Variants in CATSPERE observed in about 807,000 individuals in gnomAD.
CATSPERE encodes catsper channel auxiliary subunit epsilon.
Under a neutral mutation model 114.1 loss-of-function variants are expected in CATSPERE, and 93 were observed. The observed-to-expected ratio is 0.81, with a 90% CI of 0.69 to 0.97. CATSPERE has a LOEUF of 0.97. Among genes scored for constraint, CATSPERE ranks in the 50% least tolerant of loss-of-function variants. The pLI, the probability that CATSPERE is intolerant of heterozygous loss-of-function variation, is 0.00. For missense variants in CATSPERE, 1,058 were observed against 1,131.6 expected (o/e 0.93, Z 0.93); for synonymous variants, 341 against 384.1 (o/e 0.89, Z 1.31).
chr1:244,540,731 C>G (rs1658531278), intron 8 of CATSPERE, among the ~76,000 whole-genome samples: 1 of 132,078 alleles, frequency 7.6e-6, no homozygotes, highest in Admixed American at 8.0e-5. Flanking sequence ...AAGCTGGAGG[C>G]ATCACACTAC....
chr1:244,518,535 A>C (rs992627415), intron 7 of CATSPERE, 57 bp from the exon 8 acceptor site: 2 of 1,082,326 alleles, frequency 1.8e-6, no homozygotes, highest in Non-Finnish European at 2.8e-6. Flanking sequence ...CTGATGTCAC[A>C]TCAAAATACT....
chr1:244,470,155 C>T (rs1208028336), intron 2 of CATSPERE, among the ~76,000 whole-genome samples: 1 of 152,006 alleles, frequency 6.6e-6, no homozygotes, highest in Non-Finnish European at 1.5e-5. Context: ...CTCACAAGCA[C>T]AAGCAACAAA....
At chr1:244,455,254 C>T (rs1666030195) in intron 1 of CATSPERE, among the ~76,000 whole-genome samples, 2 of 152,084 alleles carry the variant, frequency 1.3e-5, no homozygotes, top group African/African-American at 2.4e-5. Context: ...GAGGTTCCCG[C>T]GTCCCCCCGC....
In CATSPERE at chr1:244,593,543, T is replaced by C; in HGVS notation, c.2268T>C (p.Leu756=). The change falls in exon 17 of 22, where the codon CTT becomes CTC. Residue 756 remains leucine, a synonymous_variant. Coordinates refer to ENST00000366534, the MANE Select transcript of CATSPERE (RefSeq NM_001130957.2). ...IWGEYGCPLR[L]DFTEKFQPVV... is the part of the protein sequence containing the mutation. ...GAGAATATGGCTGCCCTCTGAGGCT[T>C]GACTTCACAGAAAAGTTTCAACCTG... 1 of 1,614,026 alleles carries C rather than the reference T, an allele frequency of 6.2e-7. No individual in the cohort carries two copies. The highest frequency in any genetic ancestry group is 8.5e-7 in the Non-Finnish European group (1 of 1,179,932).
rs1353655672 is a variant in CATSPERE, at chr1:244,573,100, C to T, written c.1950+328C>T. Among the ~76,000 whole-genome samples the T allele has an allele frequency of 2.0e-5, 3 of 151,924 alleles. No individual in the cohort carries two copies. The highest frequency in any genetic ancestry group is 7.3e-5 in the African/African-American group (3 of 41,346). ...TTGTAGTATAACAAACCACTCAAAA[C>T]CTAATTGCTTAGAACAACAACCAAT... On this transcript the variant is annotated intron_variant, in intron 11 of 21. Transcript: ENST00000366534. This position sits in a 1 kb window ranked among gnomAD's most constrained non-coding sequence, Gnocchi z 4.0.
intron 8 of CATSPERE, among the ~76,000 whole-genome samples, chr1:244,541,829 A>G (rs1658803906): frequency 1.4e-5 from 2 of 142,298 alleles, no homozygotes; most frequent in East Asian, 2.1e-4. Context: ...ATGCAGCCAT[A>G]AAAAATGATG....
At chr1:244,624,306 C>T (rs1672809972) in intron 20 of CATSPERE, among the ~76,000 whole-genome samples, 1 of 152,010 alleles carries the variant, frequency 6.6e-6, no homozygotes, top group Non-Finnish European at 1.5e-5. Flanking sequence ...GTGAAGCTTG[C>T]TGAAACTATT....
At chr1:244,628,581 C>T (rs2148739135) in intron 20 of CATSPERE, among the ~76,000 whole-genome samples, 1 of 152,310 alleles carries the variant, frequency 6.6e-6, no homozygotes, top group South Asian at 2.1e-4. Context: ...AATATTTCTT[C>T]TCATCAACTC....
intron 18 of CATSPERE, among the ~76,000 whole-genome samples, chr1:244,606,610 T>TC (rs1480503277): frequency 6.7e-6 from 1 of 149,214 alleles, no homozygotes; most frequent in Admixed American, 6.6e-5. Flanking sequence ...CTTTTGCTTT[T>TC]TTTTTTTTTT....
rs1572864193 is a variant in CATSPERE at position 244,581,720 on chromosome 1, A to G, written c.1951-76A>G. On this transcript the variant is annotated intron_variant, in intron 11 of 21. Transcript: ENST00000366534. ...GCATTTTACATGCCTAGATGTAGAA[A>G]GCCATATGCTACTAAAGTGGGATCA... 2.6e-5 allele frequency: 16 copies of G among 623,772 alleles called. No individual in the cohort carries two copies. The East Asian group carries it at 5.1e-4, about 20-fold the overall frequency. 38.6% of individuals were successfully genotyped at this position (623,772 alleles called of 1,614,324 possible).
intron 9 of CATSPERE, among the ~76,000 whole-genome samples, chr1:244,558,217 C>G (rs935430603): frequency 6.9e-6 from 1 of 145,824 alleles, no homozygotes; most frequent in African/African-American, 2.5e-5. Context: ...TCTCAGCTCA[C>G]TGCAACCTCC....
intron 21 of CATSPERE, among the ~76,000 whole-genome samples, chr1:244,639,163 A>C (rs77755874): frequency 1.3e-5 from 2 of 152,230 alleles, no homozygotes; most frequent in African/African-American, 4.8e-5. Flanking sequence ...CTGCAGTTCC[A>C]GAATGTCTAG....
chr1:244,524,683 C>T (rs1441415680), intron 8 of CATSPERE, among the ~76,000 whole-genome samples: 7 of 151,484 alleles, frequency 4.6e-5, no homozygotes, highest in South Asian at 2.1e-4. Context: ...GCAAAGGAAA[C>T]GAACAGACAC....
At chr1:244,547,123 C>T (rs921519154) in intron 8 of CATSPERE, among the ~76,000 whole-genome samples, 1 of 152,110 alleles carries the variant, frequency 6.6e-6, no homozygotes, top group African/African-American at 2.4e-5. Flanking sequence ...TCCAATACAC[C>T]TAGCATCAGA....
At chr1:244,639,116 T>G (rs1249103484) in intron 21 of CATSPERE, among the ~76,000 whole-genome samples, 2 of 152,088 alleles carry the variant, frequency 1.3e-5, no homozygotes, top group African/African-American at 2.4e-5. Context: ...CTCCAACCAC[T>G]CCCCTTGGCA....
At chr1:244,638,234 T>C (rs1674883636) in intron 21 of CATSPERE, among the ~76,000 whole-genome samples, 1 of 152,210 alleles carries the variant, frequency 6.6e-6, no homozygotes, top group African/African-American at 2.4e-5. Flanking sequence ...CGGGTTTCTA[T>C]CTCATCACTC....
chr1:244,622,384 T>A (rs1672500492), intron 20 of CATSPERE, among the ~76,000 whole-genome samples: 1 of 149,010 alleles, frequency 6.7e-6, no homozygotes, highest in African/African-American at 2.5e-5. Flanking sequence ...AGAATAACCT[T>A]AATTTTCTTT....
intron 8 of CATSPERE, among the ~76,000 whole-genome samples, chr1:244,551,683 C>T (rs1309636673): frequency 6.6e-6 from 1 of 151,786 alleles, no homozygotes; most frequent in Non-Finnish European, 1.5e-5. Context: ...AGGAGTTAGC[C>T]CTGCTCCACA....
At chr1:244,451,527 T>G (rs1020569467), upstream of CATSPERE, 1 of 1,235,552 alleles carries the variant, frequency 8.1e-7, no homozygotes. The surrounding 1 kb of genome is among the most constrained non-coding windows in gnomAD (Gnocchi z 6.6). Context: ...AGGTGACACC[T>G]CATTTTGGCC....
Sources: allele counts gnomAD v4.1 joint callset (sites outside exome capture counted in the v4.1 genomes callset), GRCh38; gene constraint gnomAD v4.1.1; non-coding constraint Gnocchi (gnomAD v3.1); transcripts MANE v1.5; gene names NCBI Gene and HGNC (gene_info 2026-07-23, HGNC 2026-07-21).